Variants in MIPEP observed in about 807,000 individuals in gnomAD.
The protein encoded by MIPEP is mitochondrial intermediate peptidase.
A neutral mutation model predicts 90.3 loss-of-function variants in MIPEP; 79 were observed. The observed-to-expected ratio is 0.87, with a 90% CI of 0.73 to 1.05. The LOEUF (loss-of-function observed/expected upper bound fraction) is 1.05, where lower values mean the gene tolerates loss of function less well. MIPEP is among the 50% of genes least tolerant of loss of function. The probability of loss-of-function intolerance (pLI) is 0.00; values close to 1 mark genes in which losing one functional copy is unlikely to be tolerated. For synonymous variants in MIPEP, 334 were observed against 315.8 expected (o/e 1.06, Z -0.61); for missense variants, 940 against 905.6 (o/e 1.04, Z -0.49).
chr13:23,806,160 A>G, intron 15 of MIPEP, 91 bp from the exon 16 acceptor site: 1 of 1,298,292 alleles, frequency 7.7e-7, no homozygotes, highest in Non-Finnish European at 1.1e-6. Flanking sequence ...CACCAGAACA[A>G]CAGTTACCAA....
chr13:23,754,255 A>G (rs113575972), intron 18 of MIPEP, among the ~76,000 whole-genome samples: 4,040 of 152,298 alleles, frequency 0.027, 194 homozygotes, highest in African/African-American at 0.092. Context: ...CAAGAAAATG[A>G]GAAGCCACTA....
At chr13:23,868,146 G>C (rs1342576382) in intron 7 of MIPEP, among the ~76,000 whole-genome samples, 1 of 152,106 alleles carries the variant, frequency 6.6e-6, no homozygotes, top group Non-Finnish European at 1.5e-5. Flanking sequence ...AGGGTTCGGG[G>C]ACAAAGGAGT....
chr13:23,871,722 T>G (rs1001977142), intron 5 of MIPEP, among the ~76,000 whole-genome samples: 1 of 152,222 alleles, frequency 6.6e-6, no homozygotes, highest in Non-Finnish European at 1.5e-5. Context: ...AATTTCAATA[T>G]AGAAAATTCA....
chr13:23,868,201 G>A (rs1167961721), intron 7 of MIPEP, among the ~76,000 whole-genome samples: 1 of 152,100 alleles, frequency 6.6e-6, no homozygotes, highest in Non-Finnish European at 1.5e-5. Flanking sequence ...AAAGAGGTGG[G>A]TTTTGAGCTG....
Position 23,839,681 on chromosome 13 carries a change from C to G in MIPEP, c.1306G>C (p.Asp436His). 1.9e-6 allele frequency: 3 copies of G among 1,612,864 alleles called. No individual in the cohort carries two copies. The highest frequency in any genetic ancestry group is 2.2e-5 in the East Asian group (1 of 44,820). Residue 436 changes from aspartate to histidine, a missense_variant, in exon 12 of 19, where the codon GAT (aspartate) becomes CAT (histidine). By Grantham distance (81) the Asp-to-His change is moderately conservative. Transcript: ENST00000382172. ...SEGLLGYIYC[D>H]FFQRADKPHQ... ...GGTTTGTCTGCTCGCTGAAAAAAAT[C>G]ACAGTAAATGTACCCCAACAATCCT...
intron 18 of MIPEP, among the ~76,000 whole-genome samples, chr13:23,745,382 A>G (rs186696435): frequency 1.5e-3 from 221 of 152,366 alleles, no homozygotes; most frequent in Non-Finnish European, 2.6e-3. Flanking sequence ...ATGCTCTTTC[A>G]GGAAACAGTC....
intron 14 of MIPEP, among the ~76,000 whole-genome samples, chr13:23,834,866 C>G (rs557758506): frequency 6.6e-6 from 1 of 152,182 alleles, no homozygotes; most frequent in South Asian, 2.1e-4. Context: ...GGGTATGCCT[C>G]TCTATGTTAT....
At chr13:23,758,122 C>CCTCAGGG in intron 17 of MIPEP, among the ~76,000 whole-genome samples, 1 of 152,128 alleles carries the variant, frequency 6.6e-6, no homozygotes, top group Non-Finnish European at 1.5e-5. Flanking sequence ...ACTGAGGTGG[C>CCTCAGGG]GCCTCCCCTC....
rs140632326 is a variant in MIPEP at position 23,806,243 on chromosome 13, G to A, written c.1729-174C>T. Among the ~76,000 whole-genome samples, 4 of 152,272 alleles carry A rather than the reference G, an allele frequency of 2.6e-5. No individual in the cohort carries two copies. The East Asian group carries it at 7.7e-4, about 29-fold the overall frequency. On this transcript the variant is annotated intron_variant, in intron 15 of 18. Coordinates refer to ENST00000382172, the MANE Select transcript of MIPEP (RefSeq NM_005932.4). ...TATTTCATACCACATTTAAGACCATGCTAAAGATTAAAAGGAATGCTCTCA... is the reference window on the plus strand; with the variant it reads ...TATTTCATACCACATTTAAGACCATACTAAAGATTAAAAGGAATGCTCTCA...
intron 18 of MIPEP, among the ~76,000 whole-genome samples, chr13:23,747,149 A>T (rs1952392095): frequency 6.6e-6 from 1 of 152,152 alleles, no homozygotes; most frequent in South Asian, 2.1e-4. Context: ...GCTTCCATAC[A>T]TGGGAAGTGG....
chr13:23,730,664 T>A (rs1952194796), intron 18 of MIPEP, among the ~76,000 whole-genome samples: 1 of 152,244 alleles, frequency 6.6e-6, no homozygotes. Context: ...AAATCCATCC[T>A]TAGCTTAGAG....
At chr13:23,738,155 A>C (rs1952285103) in intron 18 of MIPEP, among the ~76,000 whole-genome samples, 3 of 152,164 alleles carry the variant, frequency 2.0e-5, no homozygotes, top group African/African-American at 7.2e-5. Context: ...AAACAAACAA[A>C]CAACCCCAAA....
chr13:23,803,490 G>A (rs4638414), intron 16 of MIPEP, among the ~76,000 whole-genome samples: 2,161 of 152,248 alleles, frequency 0.014, 49 homozygotes, highest in African/African-American at 0.049. Context: ...TGTGTGCAGT[G>A]TGATACAGGG....
intron 18 of MIPEP, among the ~76,000 whole-genome samples, chr13:23,749,550 A>T (rs1323563248): frequency 6.6e-6 from 1 of 152,202 alleles, no homozygotes; most frequent in East Asian, 1.9e-4. Context: ...ATGGGCAAAG[A>T]GCTTTCTCCA....
At chr13:23,865,113 C>T (rs559797616) in intron 7 of MIPEP, among the ~76,000 whole-genome samples, 1 of 152,016 alleles carries the variant, frequency 6.6e-6, no homozygotes, top group South Asian at 2.1e-4. Context: ...TTTACAAACC[C>T]ATAAAGGCAG....
intron 14 of MIPEP, among the ~76,000 whole-genome samples, chr13:23,832,629 A>G (rs1380373031): frequency 2.0e-5 from 3 of 152,156 alleles, no homozygotes; most frequent in East Asian, 3.9e-4. Context: ...AAAAATCTAC[A>G]AGCACTGAGA....
intron 14 of MIPEP, among the ~76,000 whole-genome samples, chr13:23,824,871 C>T (rs543035191): frequency 2.9e-4 from 44 of 152,332 alleles, no homozygotes; most frequent in African/African-American, 1.0e-3. Context: ...CACTTTATCA[C>T]AGACCCACCG....
intron 16 of MIPEP, chr13:23,760,682 T>C: frequency 2.2e-6 from 1 of 464,530 alleles, no homozygotes; most frequent in South Asian, 1.6e-5. Flanking sequence ...AGTAAATTTC[T>C]GTTGTTTAAG....
chr13:23,760,318 G>T, intron 16 of MIPEP, 101 bp from the exon 17 acceptor site: 1 of 1,480,540 alleles, frequency 6.8e-7, no homozygotes, highest in African/African-American at 1.4e-5. Flanking sequence ...ACCCGTAAAT[G>T]CTTTCATTTG....
Sources: gnomAD v4.1 joint callset for allele counts (sites outside exome capture counted in the v4.1 genomes callset) on GRCh38, gnomAD v4.1.1 for gene constraint, MANE v1.5 for transcripts, NCBI Gene and HGNC (gene_info 2026-07-23, HGNC 2026-07-21) for gene names.